The following NOTUM variants were observed in gnomAD, a reference collection of about 807,000 sequenced individuals.
The protein encoded by NOTUM is notum, palmitoleoyl-protein carboxylesterase, also known as palmitoleoyl-protein carboxylesterase NOTUM.
NOTUM carries 36 observed loss-of-function variants against 65.5 expected under a neutral mutation model. That is an observed-to-expected ratio of 0.55 (90% CI 0.42 to 0.73). The LOEUF (loss-of-function observed/expected upper bound fraction) is 0.73, where lower values mean the gene tolerates loss of function less well. Among genes scored for constraint, NOTUM ranks in the 30% least tolerant of loss-of-function variants. The pLI, the probability that NOTUM is intolerant of heterozygous loss-of-function variation, is 0.00. For synonymous variants in NOTUM, 356 were observed against 297.9 expected, an observed-to-expected ratio of 1.20 and a Z score of -2.01; for missense variants, 659 against 694.2, an observed-to-expected ratio of 0.95 and a Z score of 0.57.
rs929370980 is a variant in NOTUM, at chr17:81,960,898, C to T, written c.12G>A (p.Gly4=). ...GGCTCAGCAGCAGCAGCACGCGCAC[C>T]CCTCGGCCCATGGCCGCGTCCACCT... MGR[G]VRVLLLLSLL... The change falls in exon 1 of 11, where the codon GGG becomes GGA. Residue 4 remains glycine (G), a synonymous_variant. Transcript: ENST00000409678. The surrounding 1 kb of genome is among the most constrained non-coding windows in gnomAD (Gnocchi z 6.4). 2.3e-6 allele frequency: 3 copies of T among 1,322,050 alleles called. No homozygotes were observed. Among genetic ancestry groups the T allele is most frequent in the African/African-American group, 3.1e-5 (2 of 64,792 alleles). The allele number at this position is 1,322,050 out of a possible 1,614,324, so 81.9% of individuals were successfully genotyped here. A position where few individuals can be genotyped will look rare whatever the true frequency, so the allele number is the denominator to read the frequency against.
Position 81,952,877 on chromosome 17 carries a change from G to A in NOTUM, c.*84C>T. The A allele has an allele frequency of 2.4e-6, 3 of 1,236,050 alleles. No homozygotes were observed. The highest frequency in any genetic ancestry group is 2.3e-6 in the Non-Finnish European group (2 of 857,696). The allele number at this position is 1,236,050 out of a possible 1,614,324, so 76.6% of individuals were successfully genotyped here. A position where few individuals can be genotyped will look rare whatever the true frequency, so the allele number is the denominator to read the frequency against. ...GGGGCCCTGTCCCGAAGAGACGGGA[G>A]GGCCTGCTGGTGGGGGGTGAGGTGG... On this transcript the variant is annotated 3_prime_UTR_variant, in exon 11 of 11. Coordinates refer to ENST00000409678, the MANE Select transcript of NOTUM (RefSeq NM_178493.6).
At chr17:81,956,805 C>A in intron 7 of NOTUM, 55 bp from the exon 8 acceptor site, 1 of 1,591,426 alleles carries the variant, frequency 6.3e-7, no homozygotes, top group Admixed American at 1.7e-5. Flanking sequence ...CGGGGCTCCC[C>A]ACCCACAGAT....
chr17:81,956,315 C>T (rs958515470), intron 8 of NOTUM, among the ~76,000 whole-genome samples: 5 of 152,142 alleles, frequency 3.3e-5, no homozygotes, highest in South Asian at 2.1e-4. Context: ...TGGGGATGAG[C>T]TCCAAAGCAC....
rs868172848 is a variant in NOTUM, at chr17:81,952,593, A to T, written c.*368T>A. 2.3e-5 allele frequency: 5 copies of T among 213,550 alleles called. No homozygotes were observed. The highest frequency in any genetic ancestry group is 4.6e-5 in the African/African-American group (2 of 43,450). The allele number at this position is 213,550 out of a possible 1,614,324, so 13.2% of individuals were successfully genotyped here. On this transcript the variant is annotated 3_prime_UTR_variant, in exon 11 of 11. Coordinates refer to ENST00000409678, the MANE Select transcript of NOTUM (RefSeq NM_178493.6). ...CATATATTCTTATTTTCCTTTTTTT[A>T]AAAAATTAAAGTAATAAAAAAGTCA...
At position 81,958,375 on chromosome 17, in the gene NOTUM, G is replaced by T; in HGVS notation, c.552C>A (p.Ser184=). 1 of 1,610,382 alleles carries T rather than the reference G, an allele frequency of 6.2e-7. No individual in the cohort carries two copies. The highest frequency in any genetic ancestry group is 8.5e-7 in the Non-Finnish European group (1 of 1,178,094). The part of the protein sequence containing the change: ...NANMVFIPYC[S]SDVWSGASSK... Reference sequence around the variant, plus strand: ...ATGAAGCCCCGCTCCAAACATCACTGGAGCAGTAGGGGATGAAGCTGCAAC... The same window carrying T: ...ATGAAGCCCCGCTCCAAACATCACTTGAGCAGTAGGGGATGAAGCTGCAAC... The change falls in exon 5 of 11, where the codon TCC becomes TCA. Residue 184 remains serine (S), a synonymous_variant. Coordinates refer to ENST00000409678, the MANE Select transcript of NOTUM (RefSeq NM_178493.6).
Position 81,960,456 on chromosome 17 carries a change from G to A in NOTUM, c.323+131C>T, listed in dbSNP as rs2041466049. The A allele has an allele frequency of 9.6e-6, 6 of 621,768 alleles. No individual in the cohort carries two copies. The highest frequency in any genetic ancestry group is 9.3e-5 in the South Asian group (4 of 42,898). 38.5% of individuals were successfully genotyped at this position (621,768 alleles called of 1,614,324 possible). On this transcript the variant is annotated intron_variant, in intron 1 of 10. Transcript: ENST00000409678. The surrounding 1 kb of genome is among the most constrained non-coding windows in gnomAD (Gnocchi z 6.4). The stretch of plus-strand genomic sequence containing the variant: ...AGTCACCGAACCGGGCACTCCTCGG[G>A]GCCAGGACCGCGGGGCGCCCGACGG...
At chr17:81,955,302 TG>T in intron 9 of NOTUM, 94 bp downstream of exon 9, 1 of 1,170,704 alleles carries the variant, frequency 8.5e-7, no homozygotes. Flanking sequence ...TATTTTTTTT[TG>T]TTCTGGTTTT....
rs1411233941 is a variant in NOTUM at position 81,961,040 on chromosome 17, G to T, written c.-131C>A. 6.7e-6 allele frequency: 2 copies of T among 300,136 alleles called. No individual in the cohort carries two copies. Among genetic ancestry groups the T allele is most frequent in the Non-Finnish European group, 1.0e-5 (2 of 191,752 alleles). 18.6% of individuals were successfully genotyped at this position (300,136 alleles called of 1,614,324 possible). A position where few individuals can be genotyped will look rare whatever the true frequency, so the allele number is the denominator to read the frequency against. On this transcript the variant is annotated 5_prime_UTR_variant, in exon 1 of 11. Coordinates refer to ENST00000409678, the MANE Select transcript of NOTUM (RefSeq NM_178493.6). ...CTCCTGCTCCCTCGCCCCCGCTCCC[G>T]CCCGCCGGGCCTGGCGGAGAAGGCG... is the stretch of plus-strand genomic sequence containing the variant.
chr17:81,956,673 T>C lies in NOTUM; in HGVS notation c.965A>G (p.Tyr322Cys). ...EGEEWNCFFG[Y>C]KVYPTLRCPV... ...ACAGCGCAGGGTCGGGTAGACCTTG[T>C]AGCCAAAGAAGCAGTTCCACTCCTC... is the stretch of plus-strand genomic sequence containing the variant. Residue 322 changes from tyrosine to cysteine, a missense_variant, in exon 8 of 11, where the codon TAC (tyrosine) becomes TGC (cysteine). Physicochemically the swap from Tyr to Cys is radical, Grantham distance 194. Transcript: ENST00000409678. The C allele has an allele frequency of 1.2e-6, 2 of 1,612,694 alleles. No homozygotes were observed. Among genetic ancestry groups the C allele is most frequent in the Non-Finnish European group, 1.7e-6 (2 of 1,179,594 alleles).
At chr17:81,955,217 G>A (rs1049365037) in intron 9 of NOTUM, among the ~76,000 whole-genome samples, 180 bp downstream of exon 9, 2 of 152,138 alleles carry the variant, frequency 1.3e-5, no homozygotes, top group African/African-American at 2.4e-5. Context: ...CTGACCTCAG[G>A]TGATCCACCT....
At position 81,959,629 on chromosome 17, in the gene NOTUM, C is replaced by T. The variant is rs2041459018; in HGVS notation, c.376+11G>A. On this transcript the variant is annotated intron_variant, in intron 2 of 10. Coordinates refer to ENST00000409678, the MANE Select transcript of NOTUM (RefSeq NM_178493.6). The stretch of plus-strand genomic sequence containing the variant: ...ACCCCCGGCCTCCCCCCGCCTCAGC[C>T]CTGGACGCACCTTCCAGGAAGAGGA... The T allele has an allele frequency of 6.5e-7, 1 of 1,545,250 alleles. No homozygotes were observed. The highest frequency in any genetic ancestry group is 8.7e-7 in the Non-Finnish European group (1 of 1,145,318).
At position 81,952,711 on chromosome 17, in the gene NOTUM, T is replaced by TCC. The variant is rs2041396238; in HGVS notation, c.*249_*250insGG. The TCC allele has an allele frequency of 2.1e-5, 12 of 565,158 alleles. No homozygotes were observed. Among genetic ancestry groups the TCC allele is most frequent in the Non-Finnish European group, 3.5e-5 (11 of 317,538 alleles). 35.0% of individuals were successfully genotyped at this position (565,158 alleles called of 1,614,324 possible). A position where few individuals can be genotyped will look rare whatever the true frequency, so the allele number is the denominator to read the frequency against. ...AGGAATCCAGTGCTTCTCTTCTGGC[T>TCC]ACCCCCTCGTTGTCAGGAAGGACCC... On this transcript the variant is annotated 3_prime_UTR_variant, in exon 11 of 11. Transcript: ENST00000409678.
At chr17:81,955,600 C>T (rs2041426946) in intron 8 of NOTUM, 56 bp from the exon 9 acceptor site, 1 of 1,556,524 alleles carries the variant, frequency 6.4e-7, no homozygotes, top group Non-Finnish European at 8.7e-7. Context: ...TGCCCCCACC[C>T]CAGGCTCACA....
At position 81,960,892 on chromosome 17, in the gene NOTUM, G is replaced by C; in HGVS notation, c.18C>G (p.Arg6=). The C allele has an allele frequency of 7.3e-7, 1 of 1,371,664 alleles. No individual in the cohort carries two copies. Among genetic ancestry groups the C allele is most frequent in the African/African-American group, 1.5e-5 (1 of 65,658 alleles). The allele number at this position is 1,371,664 out of a possible 1,614,324, so 85.0% of individuals were successfully genotyped here. A position where few individuals can be genotyped will look rare whatever the true frequency, so the allele number is the denominator to read the frequency against. Residue 6 remains arginine (R), a synonymous_variant, in exon 1 of 11, where the codon CGC becomes CGG. Coordinates refer to ENST00000409678, the MANE Select transcript of NOTUM (RefSeq NM_178493.6). This position sits in a 1 kb window ranked among gnomAD's most constrained non-coding sequence, Gnocchi z 6.4. The part of the protein sequence containing the change: MGRGV[R]VLLLLSLLHC... ...GCAGCAGGCTCAGCAGCAGCAGCAC[G>C]CGCACCCCTCGGCCCATGGCCGCGT...
intron 8 of NOTUM, among the ~76,000 whole-genome samples, chr17:81,956,293 G>A (rs1483485101): frequency 1.3e-5 from 2 of 152,166 alleles, no homozygotes; most frequent in Admixed American, 6.5e-5. Context: ...CCTGCAGCAG[G>A]GAGGGGCAGC....
Position 81,957,010 on chromosome 17 carries a change from A to G in NOTUM, c.760T>C (p.Tyr254His). 6 of 1,611,954 alleles carry G rather than the reference A, an allele frequency of 3.7e-6. No individual in the cohort carries two copies. Among genetic ancestry groups the G allele is most frequent in the Non-Finnish European group, 5.1e-6 (6 of 1,179,904 alleles). The part of the protein sequence containing the change: ...RVAEQLEKLG[Y>H]PAIQVRGLAD... Reference sequence around the variant, plus strand: ...AGGCCTCGCACCTGGATGGCTGGGTAGCCCAGCTTCTCCAGCTGCTCAGCC... The same window carrying G: ...AGGCCTCGCACCTGGATGGCTGGGTGGCCCAGCTTCTCCAGCTGCTCAGCC... The change falls in exon 7 of 11, where the codon TAC (tyrosine) becomes CAC (histidine). Residue 254 changes from tyrosine (Y) to histidine (H), a missense_variant. Physicochemically the swap from Tyr to His is moderately conservative, Grantham distance 83 (BLOSUM62 2). Transcript: ENST00000409678.
chr17:81,960,932 CGGGCGGCCTTGAGGCGGCGGCGGCGGCGG>C lies in NOTUM; in HGVS notation c.-52_-24del, dbSNP rs2041471956. ...CATGGCCGCGTCCACCTGCGGGGAG[CGGGCGGCCTTGAGGCGGCGGCGGCGGCGG>C]CGGGGGATGCCGGGCCGGGGGTGCC... On this transcript the variant is annotated 5_prime_UTR_variant, in exon 1 of 11. Transcript: ENST00000409678. This position sits in a 1 kb window ranked among gnomAD's most constrained non-coding sequence, Gnocchi z 6.4. 9.1e-6 allele frequency: 11 copies of C among 1,209,180 alleles called. No individual in the cohort carries two copies. The highest frequency in any genetic ancestry group is 9.2e-6 in the Non-Finnish European group (9 of 973,098). 74.9% of individuals were successfully genotyped at this position (1,209,180 alleles called of 1,614,324 possible). A position where few individuals can be genotyped will look rare whatever the true frequency, so the allele number is the denominator to read the frequency against.
At chr17:81,959,826 C>A in intron 1 of NOTUM, 134 bp from the exon 2 acceptor site, 1 of 349,898 alleles carries the variant, frequency 2.9e-6, no homozygotes, top group Non-Finnish European at 4.8e-6. Flanking sequence ...CGCCCTCGGC[C>A]AGGCCCACGG....
chr17:81,958,673 T>A (rs2041451407), intron 4 of NOTUM, among the ~76,000 whole-genome samples: 1 of 149,204 alleles, frequency 6.7e-6, no homozygotes, highest in South Asian at 2.1e-4. Flanking sequence ...GGAAGGACCA[T>A]CCCAGGAGAG....
Sources: gnomAD v4.1 joint callset for allele counts (sites outside exome capture counted in the v4.1 genomes callset) on GRCh38, gnomAD v4.1.1 for gene constraint, Gnocchi (gnomAD v3.1) non-coding constraint, MANE v1.5 for transcripts, NCBI Gene and HGNC (gene_info 2026-07-23, HGNC 2026-07-21) for gene names.